Variants in LMNTD1 observed in about 807,000 individuals in gnomAD.
The protein encoded by LMNTD1 is lamin tail domain-containing protein 1.
LMNTD1 carries 35 observed loss-of-function variants against 50.9 expected under a neutral mutation model. That is an observed-to-expected ratio of 0.69 (90% CI 0.53 to 0.91). The LOEUF (loss-of-function observed/expected upper bound fraction) is 0.91. Ranked by LOEUF, LMNTD1 falls within the 40% of genes least tolerant of loss-of-function variation. The pLI is 0.00. For missense variants in LMNTD1, 470 were observed against 475.5 expected, an observed-to-expected ratio of 0.99 and a Z score of 0.11; for synonymous variants, 153 against 161.9, an observed-to-expected ratio of 0.94 and a Z score of 0.42.
At chr12:25,570,640 G>A (rs1479512) in intron 1 of LMNTD1, among the ~76,000 whole-genome samples, 110,500 of 151,984 alleles carry the variant, frequency 0.73, 43,451 homozygotes, top group Non-Finnish European at 0.87. Context: ...GAGAGACAGG[G>A]AAGACCAGAC....
At position 25,528,773 on chromosome 12, in the gene LMNTD1, G is replaced by T. The variant is rs549675256; in HGVS notation, c.492-1818C>A. Among the ~76,000 whole-genome samples the T allele has an allele frequency of 2.0e-3, 305 of 152,132 alleles. 2 individuals carry two copies. The highest frequency in any genetic ancestry group is 7.1e-3 in the African/African-American group (295 of 41,500). The stretch of plus-strand genomic sequence containing the variant: ...AGCCCTCTGGTCACCAACTCCTCCT[G>T]ATGCTTCAGCAACTCAGTACCCTCA... On this transcript the variant is annotated intron_variant, in intron 4 of 9. Transcript: ENST00000458174.
intron 4 of LMNTD1, among the ~76,000 whole-genome samples, chr12:25,527,679 TATAC>T (rs1332762589): frequency 2.5e-3 from 49 of 19,252 alleles, no homozygotes; most frequent in South Asian, 0.015. Context: ...TATATATATA[TATAC>T]ACACACACAC....
chr12:25,490,900 C>T (rs1938859488), intron 9 of LMNTD1, among the ~76,000 whole-genome samples: 1 of 152,198 alleles, frequency 6.6e-6, no homozygotes, highest in Non-Finnish European at 1.5e-5. Flanking sequence ...CCACCTAATG[C>T]AATGCAACTG....
chr12:25,576,789 T>C (rs1371445868), intron 1 of LMNTD1, among the ~76,000 whole-genome samples: 1 of 152,198 alleles, frequency 6.6e-6, no homozygotes, highest in Non-Finnish European at 1.5e-5. Flanking sequence ...TGAATGGTAT[T>C]GCCTAGGTTT....
rs559024850 is a variant in LMNTD1 at position 25,624,949 on chromosome 12, G to A, written c.58+23545C>T. ...ATTTTTCATTGCTTTGTGGAAAAAC[G>A]GAGTCCTGTAGATCAAAAGTGAATA... On this transcript the variant is annotated intron_variant, in intron 1 of 7. Coordinates refer to the LMNTD1 transcript ENST00000445693. Among the ~76,000 whole-genome samples, 51 of 152,256 alleles carry A rather than the reference G, an allele frequency of 3.3e-4. 1 individual carries two copies. The South Asian group carries it at 7.7e-3, about 23-fold the overall frequency.
At chr12:25,499,905 G>T (rs1939287786) in intron 9 of LMNTD1, 1 of 152,160 alleles carries the variant, frequency 6.6e-6, no homozygotes, top group African/African-American at 2.4e-5. Flanking sequence ...TCTTTAAGTT[G>T]TGGAATGTCT....
At chr12:25,530,345 T>C (rs1040151190) in intron 4 of LMNTD1, among the ~76,000 whole-genome samples, 2 of 152,204 alleles carry the variant, frequency 1.3e-5, no homozygotes, top group Non-Finnish European at 2.9e-5. Flanking sequence ...CATCTTTTTC[T>C]TTATAGTTTC....
upstream of LMNTD1, chr12:25,648,556 T>C: frequency 1.9e-6 from 3 of 1,551,430 alleles, no homozygotes; most frequent in Non-Finnish European, 2.6e-6. Context: ...TTGCATGTAG[T>C]GTCCTTAAGC....
chr12:25,501,778 C>G (rs945081643), intron 9 of LMNTD1, among the ~76,000 whole-genome samples: 1 of 151,588 alleles, frequency 6.6e-6, no homozygotes, highest in African/African-American at 2.4e-5. Flanking sequence ...ACCAAACAAA[C>G]AATTGCCTCA....
chr12:25,529,633 C>T (rs995577769), intron 4 of LMNTD1, among the ~76,000 whole-genome samples: 8 of 152,288 alleles, frequency 5.3e-5, no homozygotes, highest in Admixed American at 3.9e-4. Context: ...GCCTTTATCA[C>T]GCTCTCATCA....
At chr12:25,642,173 T>C (rs7970954) in intron 1 of LMNTD1, among the ~76,000 whole-genome samples, 72,976 of 151,992 alleles carry the variant, frequency 0.48, 19,986 homozygotes, top group Non-Finnish European at 0.63. Context: ...ATTTTTGTTT[T>C]GGGCCTTGAG....
intron 1 of LMNTD1, among the ~76,000 whole-genome samples, chr12:25,611,771 G>A (rs10842585): frequency 0.49 from 74,452 of 152,068 alleles, 21,749 homozygotes; most frequent in Non-Finnish European, 0.67. Flanking sequence ...TGGAAAATGA[G>A]CCTGATCCCA....
chr12:25,507,589 G>A (rs1242350964), intron 8 of LMNTD1, among the ~76,000 whole-genome samples: 1 of 152,190 alleles, frequency 6.6e-6, no homozygotes, highest in African/African-American at 2.4e-5. Context: ...TTGAAATGTG[G>A]CAGCTCTAGC....
At chr12:25,577,676 T>A (rs1945092995) in intron 1 of LMNTD1, among the ~76,000 whole-genome samples, 1 of 152,184 alleles carries the variant, frequency 6.6e-6, no homozygotes, top group South Asian at 2.1e-4. Flanking sequence ...ACACTTTATT[T>A]CTTTCTCCTG....
chr12:25,536,667 A>G (rs1332237147), intron 4 of LMNTD1, among the ~76,000 whole-genome samples: 2 of 148,386 alleles, frequency 1.3e-5, no homozygotes, highest in Non-Finnish European at 3.0e-5. Flanking sequence ...CTCAAATTTC[A>G]CCTTAAAAAA....
intron 1 of LMNTD1, among the ~76,000 whole-genome samples, chr12:25,577,031 G>T (rs1187438049): frequency 6.6e-6 from 1 of 152,144 alleles, no homozygotes; most frequent in African/African-American, 2.4e-5. Flanking sequence ...TGAGGGCTCT[G>T]TTCTGTTCCA....
At chr12:25,572,935 T>C (rs1944856337) in intron 1 of LMNTD1, among the ~76,000 whole-genome samples, 1 of 152,102 alleles carries the variant, frequency 6.6e-6, no homozygotes, top group Non-Finnish European at 1.5e-5. Context: ...AAGTCACGCC[T>C]GCTCTCAGGG....
At chr12:25,625,805 G>C (rs1349174808) in intron 1 of LMNTD1, among the ~76,000 whole-genome samples, 2 of 152,120 alleles carry the variant, frequency 1.3e-5, no homozygotes, top group Admixed American at 6.5e-5. Context: ...AGACAGGCTG[G>C]AGAGACAACC....
At chr12:25,612,813 C>T (rs1266336095) in intron 1 of LMNTD1, among the ~76,000 whole-genome samples, 2 of 152,090 alleles carry the variant, frequency 1.3e-5, no homozygotes, top group East Asian at 3.8e-4. Context: ...TTTCTGGAAC[C>T]TGTGAAAGTT....
Sources: allele counts gnomAD v4.1 joint callset (sites outside exome capture counted in the v4.1 genomes callset), GRCh38; gene constraint gnomAD v4.1.1; transcripts MANE v1.5; gene names NCBI Gene and HGNC (gene_info 2026-07-23, HGNC 2026-07-21).